SANBR: variants seen among roughly 807,000 people sequenced by gnomAD.
SANBR encodes the protein SANT and BTB domain regulator of CSR.
Under a neutral mutation model 101.8 loss-of-function variants are expected in SANBR, and 77 were observed. That is an observed-to-expected ratio of 0.76 (90% CI 0.63 to 0.91). SANBR has a LOEUF of 0.91. SANBR is among the 40% of genes least tolerant of loss of function. SANBR has a pLI of 0.00. For missense variants in SANBR, 875 were observed against 853.0 expected (o/e 1.03, Z -0.32); for synonymous variants, 279 against 274.7 (o/e 1.02, Z -0.15).
chr2:61,102,041 A>G (rs567348791), intron 12 of SANBR, among the ~76,000 whole-genome samples: 1 of 151,996 alleles, frequency 6.6e-6, no homozygotes, highest in African/African-American at 2.4e-5. Context: ...CAAAAAAACC[A>G]AAATAGATAT....
At chr2:61,088,822 A>AT (rs1682592377) in intron 10 of SANBR, 22 of 971,144 alleles carry the variant, frequency 2.3e-5, no homozygotes, top group South Asian at 4.8e-5. Context: ...CCCAGCCCAG[A>AT]TTTTTTTTAA....
intron 13 of SANBR, 119 bp from the exon 14 acceptor site, chr2:61,106,444 A>T: frequency 1.6e-6 from 1 of 613,734 alleles, no homozygotes; most frequent in Non-Finnish European, 2.9e-6. Context: ...TGATATCCTT[A>T]TACTCAGGAA....
intron 8 of SANBR, among the ~76,000 whole-genome samples, chr2:61,084,200 C>T (rs889022445): frequency 3.7e-4 from 56 of 152,216 alleles, no homozygotes; most frequent in African/African-American, 1.1e-3. Context: ...GCAATCCACC[C>T]GCCTTGGCCT....
intron 5 of SANBR, 69 bp downstream of exon 5, chr2:61,073,620 G>A: frequency 1.1e-6 from 1 of 877,426 alleles, no homozygotes; most frequent in Non-Finnish European, 1.8e-6. Context: ...TATGATTGGT[G>A]GTTACCATAA....
Position 61,109,282 on chromosome 2 carries a change from T to A in SANBR, c.1730T>A (p.Val577Glu). Residue 577 changes from valine (V) to glutamate (E), a missense_variant, in exon 16 of 22, where the codon GTA (valine) becomes GAA (glutamate). Transcript: ENST00000402291. ...TEDEVGDEEE[V>E]SKKQRKKEKP... ...GATGAAGTTGGAGATGAAGAAGAAGTATCCAAGAAACAAAGTATTGGTTTA... is the reference window on the plus strand; with the variant it reads ...GATGAAGTTGGAGATGAAGAAGAAGAATCCAAGAAACAAAGTATTGGTTTA... 3 of 1,557,188 alleles carry A rather than the reference T, an allele frequency of 1.9e-6. No individual in the cohort carries two copies. Among genetic ancestry groups the A allele is most frequent in the Non-Finnish European group, 2.6e-6 (3 of 1,142,076 alleles).
chr2:61,090,300 A>G (rs1485010525), intron 10 of SANBR: 2 of 152,410 alleles, frequency 1.3e-5, no homozygotes, highest in East Asian at 1.9e-4. Context: ...ACAAATTTAT[A>G]GCACACACTG....
chr2:61,134,258 G>C (rs1422816395), exon 21 of SANBR: 1 of 1,572,114 alleles, frequency 6.4e-7, no homozygotes. Flanking sequence ...AAAGGACTTG[G>C]AATACTGCTT....
chr2:61,101,185 G>C (rs1462442801), intron 12 of SANBR, among the ~76,000 whole-genome samples: 2 of 152,216 alleles, frequency 1.3e-5, no homozygotes, highest in Admixed American at 6.5e-5. Flanking sequence ...AATTGGGCAT[G>C]AGACGTTAAG....
At chr2:61,117,207 T>C in intron 17 of SANBR, 150 bp from the exon 18 acceptor site, 1 of 702,358 alleles carries the variant, frequency 1.4e-6, no homozygotes, top group South Asian at 1.7e-5. Context: ...TCTCATTTGG[T>C]TGGTGCAAGG....
In SANBR at chr2:61,116,041, GC is replaced by G. The variant is rs760774086; in HGVS notation, c.1810del (p.Gln604ArgfsTer20). 2 of 1,610,594 alleles carry G rather than the reference GC, an allele frequency of 1.2e-6. No homozygotes were observed. Among genetic ancestry groups the G allele is most frequent in the Non-Finnish European group, 1.7e-6 (2 of 1,178,980 alleles). On this transcript the variant is annotated frameshift_variant, in exon 17 of 22. Coordinates refer to ENST00000402291, the MANE Select transcript of SANBR (RefSeq NM_001129993.3). LOFTEE classifies it high-confidence loss of function. ...QPKKQVSSPC[A>X]QRKEKALEKS... ...AAAAAAGCAGGTATCTTCACCCTGT[GC>G]CCAGAGGAAAGAAAAGGCATTGGAG...
intron 21 of SANBR, among the ~76,000 whole-genome samples, chr2:61,137,014 A>G (rs1684872152): frequency 2.0e-5 from 3 of 151,696 alleles, no homozygotes; most frequent in Non-Finnish European, 4.4e-5. Context: ...AATAATAATA[A>G]TGAGGCTCAC....
chr2:61,116,062 T>G lies in SANBR; in HGVS notation c.1828T>G (p.Leu610Val). ...SPCAQRKEKA[L>V]EKSASRDVSP... Reference sequence around the variant, plus strand: ...CTGTGCCCAGAGGAAAGAAAAGGCATTGGAGAAGGTAACTCTGAATTATCT... The same window carrying G: ...CTGTGCCCAGAGGAAAGAAAAGGCAGTGGAGAAGGTAACTCTGAATTATCT... Residue 610 changes from leucine to valine, a missense_variant, in exon 17 of 22, where the codon TTG becomes GTG. Coordinates refer to ENST00000402291, the MANE Select transcript of SANBR (RefSeq NM_001129993.3). 6.2e-7 allele frequency: 1 copy of G among 1,602,606 alleles called. No individual in the cohort carries two copies. The highest frequency in any genetic ancestry group is 8.5e-7 in the Non-Finnish European group (1 of 1,173,680).
intron 4 of SANBR, among the ~76,000 whole-genome samples, chr2:61,072,821 C>CTTTTTTTTTTTTTTTTTTTTTT (rs70959893): frequency 2.5e-4 from 8 of 31,662 alleles, no homozygotes; most frequent in African/African-American, 5.4e-4. Flanking sequence ...TCTCATGTTA[C>CTTTTTTTTTTTTTTTTTTTTTT]TTTTTTTTTT....
At chr2:61,087,336 A>G (rs1223174598) in intron 8 of SANBR, among the ~76,000 whole-genome samples, 1 of 152,116 alleles carries the variant, frequency 6.6e-6, no homozygotes, top group Non-Finnish European at 1.5e-5. Flanking sequence ...CAGGAGGATT[A>G]CTTGAAGGCC....
At chr2:61,108,836 A>C (rs753772800) in intron 15 of SANBR, among the ~76,000 whole-genome samples, 1 of 152,190 alleles carries the variant, frequency 6.6e-6, no homozygotes, top group African/African-American at 2.4e-5. Context: ...GAGAATGTGC[A>C]TATGTGCTTG....
chr2:61,097,574 G>T (rs1232052040), intron 11 of SANBR, 126 bp from the exon 12 acceptor site: 3 of 680,868 alleles, frequency 4.4e-6, no homozygotes, highest in Non-Finnish European at 4.9e-6. Context: ...CTTTGTGTCT[G>T]TATAGATTGG....
At chr2:61,089,661 G>A (rs1682637836) in intron 10 of SANBR, 1 of 152,144 alleles carries the variant, frequency 6.6e-6, no homozygotes, top group Non-Finnish European at 1.5e-5. Context: ...GACAACAAGA[G>A]TGAAACTCCA....
At chr2:61,093,025 C>T (rs963092358) in intron 11 of SANBR, among the ~76,000 whole-genome samples, 6 of 151,590 alleles carry the variant, frequency 4.0e-5, no homozygotes, top group Admixed American at 6.6e-5. Context: ...CCCAGCTATT[C>T]GGGAGGCTGA....
intron 10 of SANBR, chr2:61,089,042 G>T (rs973010609): frequency 4.1e-5 from 40 of 965,056 alleles, no homozygotes; most frequent in Middle Eastern, 5.3e-4. Flanking sequence ...AGGTATTCTG[G>T]TTAGTGCCTT....
Sources: gnomAD v4.1 joint callset for allele counts (sites outside exome capture counted in the v4.1 genomes callset) on GRCh38, gnomAD v4.1.1 for gene constraint, MANE v1.5 for transcripts, NCBI Gene and HGNC (gene_info 2026-07-23, HGNC 2026-07-21) for gene names.